EMSY: variants seen among roughly 807,000 people sequenced by gnomAD.
The protein encoded by EMSY is BRCA2-interacting transcriptional repressor EMSY.
A neutral mutation model predicts 134.6 loss-of-function variants in EMSY; 26 were observed. The observed-to-expected ratio is 0.19, with a 90% CI of 0.14 to 0.27. EMSY has a LOEUF of 0.27. Among genes scored for constraint, EMSY ranks in the 10% least tolerant of loss-of-function variants. The pLI is 1.00. For missense variants in EMSY, 1,305 were observed against 1,611.4 expected, an observed-to-expected ratio of 0.81 and a Z score of 3.26; for synonymous variants, 579 against 577.8, an observed-to-expected ratio of 1.00 and a Z score of -0.03.
At chr11:76,469,127 C>T (rs1398583077) in intron 7 of EMSY, among the ~76,000 whole-genome samples, 1 of 152,148 alleles carries the variant, frequency 6.6e-6, no homozygotes, top group Admixed American at 6.6e-5. Context: ...CTCTTAAAGA[C>T]TCTAGATTCA....
chr11:76,503,808 GGA>G (rs1184417569), intron 9 of EMSY, among the ~76,000 whole-genome samples: 1 of 151,982 alleles, frequency 6.6e-6, no homozygotes, highest in East Asian at 1.9e-4. Flanking sequence ...TATTTGAGAC[GGA>G]GTCTTGCTCT....
In EMSY at chr11:76,544,977, G is replaced by T. The variant is rs998622343; in HGVS notation, c.3273+155G>T. ...TGGTATTACTTTGCCCCATCAGAAG[G>T]TTGACATTAGGGAAGAAATGCACGC... On this transcript the variant is annotated intron_variant, in intron 19 of 20. Coordinates refer to ENST00000334736, the Ensembl canonical transcript of EMSY. 2.7e-5 allele frequency: 21 copies of T among 789,108 alleles called. No individual in the cohort carries two copies. The South Asian group carries it at 3.8e-4, about 14-fold the overall frequency. 48.9% of individuals were successfully genotyped at this position (789,108 alleles called of 1,614,324 possible).
chr11:76,494,436 T>C (rs1949546717), intron 8 of EMSY, among the ~76,000 whole-genome samples: 1 of 152,228 alleles, frequency 6.6e-6, no homozygotes, highest in Non-Finnish European at 1.5e-5. Flanking sequence ...TAAAAATATC[T>C]TTCACTTGGA....
chr11:76,523,192 C>T (rs747656067), exon 12 of EMSY: 12 of 1,613,606 alleles, frequency 7.4e-6, no homozygotes, highest in Non-Finnish European at 1.0e-5. Flanking sequence ...CAATGACTTC[C>T]AAGCCCAACG....
intron 9 of EMSY, among the ~76,000 whole-genome samples, chr11:76,501,483 A>G (rs1399334814): frequency 6.6e-6 from 1 of 152,208 alleles, no homozygotes; most frequent in Non-Finnish European, 1.5e-5. Context: ...CAATAAAGAG[A>G]TAGAAATTAG....
exon 8 of EMSY, chr11:76,472,662 A>C: frequency 6.2e-7 from 1 of 1,614,198 alleles, no homozygotes; most frequent in Non-Finnish European, 8.5e-7. Flanking sequence ...TACCAACGTC[A>C]GTCATTGCTT....
intron 14 of EMSY, among the ~76,000 whole-genome samples, chr11:76,533,531 G>A (rs1856545383): frequency 6.6e-6 from 1 of 152,118 alleles, no homozygotes; most frequent in African/African-American, 2.4e-5. Flanking sequence ...GAAGATTATA[G>A]TATAAGATTG....
At chr11:76,471,122 G>A (rs1375410238) in intron 7 of EMSY, among the ~76,000 whole-genome samples, 1 of 152,048 alleles carries the variant, frequency 6.6e-6, no homozygotes, top group East Asian at 1.9e-4. Flanking sequence ...ATCCCTGCCT[G>A]GTTTGTTACA....
At chr11:76,543,977 G>A (rs1391608126) in intron 18 of EMSY, among the ~76,000 whole-genome samples, 2 of 152,122 alleles carry the variant, frequency 1.3e-5, no homozygotes, top group Admixed American at 6.5e-5. Flanking sequence ...TTCTTTTTCC[G>A]TGTTTGGTTG....
chr11:76,488,907 C>T (rs745685576), intron 8 of EMSY, among the ~76,000 whole-genome samples: 5 of 152,202 alleles, frequency 3.3e-5, no homozygotes, highest in Non-Finnish European at 7.3e-5. Flanking sequence ...GAATCCCCTT[C>T]TGTGGGTCTG....
intron 1 of EMSY, among the ~76,000 whole-genome samples, chr11:76,446,056 A>G (rs968902602): frequency 6.6e-6 from 1 of 152,002 alleles, no homozygotes; most frequent in Non-Finnish European, 1.5e-5. Context: ...GAGCTCGTTC[A>G]TTCATTCATT....
intron 8 of EMSY, among the ~76,000 whole-genome samples, chr11:76,473,387 A>G (rs1246729585): frequency 6.6e-6 from 1 of 151,188 alleles, no homozygotes; most frequent in Non-Finnish European, 1.5e-5. Flanking sequence ...GCTCACTGCA[A>G]CCTCCACCTC....
intron 14 of EMSY, among the ~76,000 whole-genome samples, chr11:76,532,007 G>C (rs1951058732): frequency 6.6e-6 from 1 of 152,090 alleles, no homozygotes; most frequent in African/African-American, 2.4e-5. Context: ...CCTATTTTGA[G>C]ACTTTCCTTG....
chr11:76,535,985 A>G (rs1390599062), exon 15 of EMSY: 1 of 1,606,750 alleles, frequency 6.2e-7, no homozygotes, highest in Non-Finnish European at 8.5e-7. Flanking sequence ...ACCATAATTT[A>G]TCAGGATGTA....
chr11:76,536,643 C>T (rs1394878787), intron 15 of EMSY, among the ~76,000 whole-genome samples: 1 of 152,178 alleles, frequency 6.6e-6, no homozygotes, highest in Admixed American at 6.5e-5. Context: ...TACTAAATAT[C>T]TTTGATAAAC....
At chr11:76,483,495 T>C (rs1183106146) in intron 8 of EMSY, among the ~76,000 whole-genome samples, 1 of 152,146 alleles carries the variant, frequency 6.6e-6, no homozygotes, top group African/African-American at 2.4e-5. Context: ...CGGTGTGCTG[T>C]ATTCAGGAGA....
At chr11:76,487,613 C>T (rs183512770) in intron 8 of EMSY, among the ~76,000 whole-genome samples, 7 of 152,348 alleles carry the variant, frequency 4.6e-5, no homozygotes, top group Admixed American at 3.9e-4. Context: ...AACCGCAGAT[C>T]GTCCACATGG....
intron 9 of EMSY, among the ~76,000 whole-genome samples, chr11:76,503,895 C>T (rs1382361653): frequency 6.6e-6 from 1 of 152,074 alleles, no homozygotes; most frequent in Admixed American, 6.6e-5. Flanking sequence ...AGCAATTCTC[C>T]TGCTTCAGCC....
At chr11:76,490,326 G>A (rs1454394817) in intron 8 of EMSY, among the ~76,000 whole-genome samples, 1 of 151,932 alleles carries the variant, frequency 6.6e-6, no homozygotes, top group Non-Finnish European at 1.5e-5. Context: ...GTTGACCTGT[G>A]CATTATAAAC....
Sources: gnomAD v4.1 joint callset for allele counts (sites outside exome capture counted in the v4.1 genomes callset) on GRCh38, gnomAD v4.1.1 for gene constraint, MANE v1.5 for transcripts, NCBI Gene and HGNC (gene_info 2026-07-23, HGNC 2026-07-21) for gene names.